DYSF: variants seen among roughly 807,000 people sequenced by gnomAD.
The protein encoded by DYSF is dystrophy-associated fer-1-like 1.
A neutral mutation model predicts 274.9 loss-of-function variants in DYSF; 212 were observed. That is an observed-to-expected ratio of 0.77 (90% CI 0.69 to 0.86). DYSF has a LOEUF of 0.86. Ranked by LOEUF, DYSF falls within the 40% of genes least tolerant of loss-of-function variation. The pLI is 0.00. For synonymous variants in DYSF, 1,091 were observed against 1,078.7 expected (o/e 1.01, Z -0.22); for missense variants, 2,666 against 2,783.2 (o/e 0.96, Z 0.95).
chr2:71,502,615 C>A (rs1285476637), intron 3 of DYSF, among the ~76,000 whole-genome samples: 1 of 152,190 alleles, frequency 6.6e-6, no homozygotes, highest in African/African-American at 2.4e-5. Flanking sequence ...TGTGCCCCAC[C>A]CCTCCTGTCA....
At chr2:71,663,390 T>C (rs1018174584) in intron 45 of DYSF, among the ~76,000 whole-genome samples, 1 of 152,222 alleles carries the variant, frequency 6.6e-6, no homozygotes, top group Admixed American at 6.5e-5. Context: ...CTCTCGCTGC[T>C]ACAACCCTCT....
Position 71,686,435 on chromosome 2 carries a change from G to C in DYSF, c.6322-19G>C. 6.2e-7 allele frequency: 1 copy of C among 1,613,960 alleles called. No individual in the cohort carries two copies. The highest frequency in any genetic ancestry group is 2.2e-5 in the East Asian group (1 of 44,868). The stretch of plus-strand genomic sequence containing the variant: ...CCCAGTGGGATCACCATGGGTCCCT[G>C]TCTCCTCCCTCCCTCCAGAACTATG... On this transcript the variant is annotated intron_variant, in intron 55 of 55. Transcript: ENST00000410020.
intron 30 of DYSF, among the ~76,000 whole-genome samples, chr2:71,586,879 G>A (rs1169888919): frequency 3.9e-5 from 6 of 152,206 alleles, no homozygotes; most frequent in South Asian, 4.1e-4. Context: ...GTGTGTGGCC[G>A]GACTGAGGTA....
intron 14 of DYSF, among the ~76,000 whole-genome samples, chr2:71,534,124 A>G (rs2089050481): frequency 6.6e-6 from 1 of 152,248 alleles, no homozygotes; most frequent in Non-Finnish European, 1.5e-5. Flanking sequence ...GAATGGAGAC[A>G]TCATCCTCAC....
chr2:71,594,457 G>A (rs1388020725), intron 32 of DYSF, among the ~76,000 whole-genome samples: 3 of 152,180 alleles, frequency 2.0e-5, no homozygotes, highest in Non-Finnish European at 4.4e-5. Flanking sequence ...CGGCTGCAGG[G>A]AGGGAGCCTG....
In DYSF at chr2:71,591,346, C is replaced by T. The variant is rs2093258928; in HGVS notation, c.3574+1058C>T. ...CCTCCCTCAGAGGCCTTCCCCTCTG[C>T]ACAGATCAACAGTGGTCTATCTCTG... On this transcript the variant is annotated intron_variant, in intron 32 of 55. Transcript: ENST00000410020. Among the ~76,000 whole-genome samples, 12 of 152,354 alleles carry T rather than the reference C, an allele frequency of 7.9e-5. 1 individual carries two copies. The South Asian group carries it at 2.5e-3, about 32-fold the overall frequency.
chr2:71,588,191 C>T (rs181900387), intron 30 of DYSF, among the ~76,000 whole-genome samples: 15 of 152,128 alleles, frequency 9.9e-5, no homozygotes, highest in East Asian at 5.8e-4. Flanking sequence ...GCCTTGGTGT[C>T]GGATGGGGAA....
chr2:71,557,643 G>C (rs2091432525), intron 22 of DYSF, among the ~76,000 whole-genome samples: 2 of 152,110 alleles, frequency 1.3e-5, no homozygotes, highest in Non-Finnish European at 2.9e-5. Context: ...GAGGGGTGGG[G>C]GCTAGGGCAG....
At chr2:71,610,193 G>A (rs978677892) in intron 36 of DYSF, among the ~76,000 whole-genome samples, 1 of 152,190 alleles carries the variant, frequency 6.6e-6, no homozygotes, top group Non-Finnish European at 1.5e-5. Context: ...TGACATGGAA[G>A]TAAAGAGTCT....
At chr2:71,513,564 C>A in intron 6 of DYSF, 152 bp from the exon 7 acceptor site, 1 of 875,554 alleles carries the variant, frequency 1.1e-6, no homozygotes, top group South Asian at 1.5e-5. Flanking sequence ...TCCATCCTGG[C>A]TCACTGATGG....
At chr2:71,495,842 A>C (rs1266756095) in intron 3 of DYSF, among the ~76,000 whole-genome samples, 2 of 151,928 alleles carry the variant, frequency 1.3e-5, no homozygotes, top group Non-Finnish European at 2.9e-5. Context: ...CAGGGCCCTA[A>C]AAGAGGGAGG....
intron 41 of DYSF, among the ~76,000 whole-genome samples, chr2:71,634,672 T>A (rs2152914130): frequency 6.6e-6 from 1 of 152,276 alleles, no homozygotes; most frequent in African/African-American, 2.4e-5. Context: ...ACCCCGGTAA[T>A]CATCAACATT....
chr2:71,501,228 C>T (rs1234634552), intron 3 of DYSF, among the ~76,000 whole-genome samples: 1 of 152,120 alleles, frequency 6.6e-6, no homozygotes, highest in Non-Finnish European at 1.5e-5. Flanking sequence ...AATATCTCTC[C>T]CCCTCTATCC....
At position 71,549,855 on chromosome 2, in the gene DYSF, T is replaced by C. The variant is rs542124271; in HGVS notation, c.1577-1186T>C. 1.6e-4 allele frequency among the ~76,000 whole-genome samples: 24 copies of C among 152,312 alleles called. No homozygotes were observed. In the East Asian group the frequency reaches 4.3e-3, roughly 27 times the overall value. The stretch of plus-strand genomic sequence containing the variant: ...TAATGCTCCTGTTAGCCCACCTACC[T>C]GGGCCTCCCACCTCTCCTGAAGGCC... On this transcript the variant is annotated intron_variant, in intron 17 of 55. Transcript: ENST00000410020.
intron 45 of DYSF, among the ~76,000 whole-genome samples, chr2:71,662,978 A>G (rs1010468895): frequency 1.3e-5 from 2 of 151,796 alleles, no homozygotes; most frequent in African/African-American, 4.9e-5. Flanking sequence ...GTCTGTGTCC[A>G]TGTGTCTGCA....
chr2:71,669,254 G>C (rs554235669), intron 50 of DYSF, 47 bp downstream of exon 50: 14 of 1,489,098 alleles, frequency 9.4e-6, no homozygotes, highest in Non-Finnish European at 1.2e-5. Context: ...CGCAGCTCCC[G>C]TGCTCCCTCT....
At chr2:71,617,255 G>A (rs149671906) in intron 40 of DYSF, among the ~76,000 whole-genome samples, 16 of 152,302 alleles carry the variant, frequency 1.1e-4, no homozygotes, top group South Asian at 2.1e-4. Flanking sequence ...AGGAAGTTCC[G>A]ACTCTGGTCA....
intron 42 of DYSF, among the ~76,000 whole-genome samples, chr2:71,649,850 T>C (rs2094625975): frequency 6.6e-6 from 1 of 152,136 alleles, no homozygotes; most frequent in African/African-American, 2.4e-5. Flanking sequence ...AAAATCTAAC[T>C]CTCAAATGAA....
In DYSF at chr2:71,682,615, A is replaced by T. The variant is rs1212377266; in HGVS notation, c.6259A>T (p.Ile2087Phe). 1.9e-6 allele frequency: 3 copies of T among 1,613,792 alleles called. No individual in the cohort carries two copies. The East Asian group carries it at 6.7e-5, about 36-fold the overall frequency. Residue 2087 changes from isoleucine (I) to phenylalanine (F), a missense_variant, in exon 55 of 56, where the codon ATC becomes TTC. By Grantham distance (21) the Ile-to-Phe change is conservative (BLOSUM62 0). Around this residue, in one of 3 missense-constraint regions of DYSF, gnomAD observed 1,460 missense variants for 1,502.1 expected, o/e 0.97. Coordinates refer to ENST00000410020, the MANE Select transcript of DYSF (RefSeq NM_001130987.2). Reference sequence around the variant, plus strand: ...GTGGCGGCGTTTCCGGTGGGCCATCATCCTCTTCATCATCCTCTTCATCCT... The same window carrying T: ...GTGGCGGCGTTTCCGGTGGGCCATCTTCCTCTTCATCATCCTCTTCATCCT... ...ILWRRFRWAI[I>F]LFIILFILLL...
Sources: allele counts gnomAD v4.1 joint callset (sites outside exome capture counted in the v4.1 genomes callset), GRCh38; gene constraint gnomAD v4.1.1; regional missense constraint gnomAD v4.1.1; transcripts MANE v1.5; gene names NCBI Gene and HGNC (gene_info 2026-07-23, HGNC 2026-07-21).